XPR1: variants seen among roughly 807,000 people sequenced by gnomAD.
XPR1 encodes the protein xenotropic and polytropic retrovirus receptor 1.
Under a neutral mutation model 87.5 loss-of-function variants are expected in XPR1, and 28 were observed. The ratio of observed to expected loss-of-function variants is 0.32; its 90% CI spans 0.24 to 0.44. The LOEUF is 0.44. Among genes scored for constraint, XPR1 ranks in the 20% least tolerant of loss-of-function variants. The pLI, the probability that XPR1 is intolerant of heterozygous loss-of-function variation, is 1.00. For missense variants in XPR1, 559 were observed against 862.3 expected (o/e 0.65, Z 4.41); for synonymous variants, 300 against 306.1 (o/e 0.98, Z 0.21).
intron 2 of XPR1, among the ~76,000 whole-genome samples, chr1:180,754,361 TA>T (rs1647645642): frequency 6.6e-6 from 1 of 152,200 alleles, no homozygotes; most frequent in Admixed American, 6.5e-5. Context: ...AGTTTTTTTA[TA>T]AAGGATTAAA....
intron 2 of XPR1, among the ~76,000 whole-genome samples, chr1:180,765,040 C>T (rs1438370683): frequency 6.6e-6 from 1 of 152,154 alleles, no homozygotes; most frequent in Non-Finnish European, 1.5e-5. Context: ...CCGCCTTGGC[C>T]TCCCAAAGTG....
chr1:180,819,179 CTT>C (rs143074637), intron 7 of XPR1, among the ~76,000 whole-genome samples: 8,129 of 152,220 alleles, frequency 0.053, 307 homozygotes, highest in Non-Finnish European at 0.079. Flanking sequence ...GTCTTGAACT[CTT>C]TGCCTCCAGT....
chr1:180,661,893 C>A (rs12097831), intron 1 of XPR1, among the ~76,000 whole-genome samples: 6,511 of 151,874 alleles, frequency 0.043, 489 homozygotes, highest in African/African-American at 0.15. Context: ...AACAAAACAA[C>A]AAAAAAACCC....
At chr1:180,872,591 C>T (rs868250798) in intron 12 of XPR1, among the ~76,000 whole-genome samples, 3 of 110,124 alleles carry the variant, frequency 2.7e-5, no homozygotes, top group Non-Finnish European at 3.7e-5. Context: ...CAGGTGCGTC[C>T]GTCACCCCTT....
chr1:180,796,133 T>C (rs989711205), intron 3 of XPR1, among the ~76,000 whole-genome samples: 2 of 152,128 alleles, frequency 1.3e-5, no homozygotes, highest in African/African-American at 4.8e-5. Flanking sequence ...TAAGTGTATT[T>C]GTAGATTTTC....
intron 4 of XPR1, 150 bp downstream of exon 4, chr1:180,803,761 A>G (rs1362856300): frequency 1.5e-6 from 1 of 662,126 alleles, no homozygotes; most frequent in South Asian, 2.1e-5. Context: ...CTGGCTAAAA[A>G]CCATGTGTCA....
chr1:180,655,683 TTTGTC>T, intron 1 of XPR1, among the ~76,000 whole-genome samples: 1 of 152,142 alleles, frequency 6.6e-6, no homozygotes, highest in Non-Finnish European at 1.5e-5. Flanking sequence ...TTGTGAAACT[TTTGTC>T]CTGTGCTTTC....
chr1:180,682,541 A>G (rs961171634), intron 2 of XPR1, 130 bp downstream of exon 2: 8 of 373,122 alleles, frequency 2.1e-5, no homozygotes, highest in African/African-American at 1.5e-4. Context: ...CCTTTTAATA[A>G]TATATATTAT....
At chr1:180,820,168 C>G (rs760377201) in intron 7 of XPR1, among the ~76,000 whole-genome samples, 1 of 151,824 alleles carries the variant, frequency 6.6e-6, no homozygotes, top group Non-Finnish European at 1.5e-5. Flanking sequence ...AAATAAATTT[C>G]ATTTTAAAGT....
intron 2 of XPR1, among the ~76,000 whole-genome samples, chr1:180,784,840 G>C (rs1429924230): frequency 6.6e-6 from 1 of 151,792 alleles, no homozygotes; most frequent in Non-Finnish European, 1.5e-5. Context: ...TCTTTTTGCT[G>C]TGTTTTTCTC....
At chr1:180,706,580 G>T (rs1052402986) in intron 2 of XPR1, among the ~76,000 whole-genome samples, 1 of 151,434 alleles carries the variant, frequency 6.6e-6, no homozygotes, top group Admixed American at 6.6e-5. Context: ...ATTCACTGTT[G>T]TACAACATCT....
At chr1:180,637,676 C>G (rs1258233250) in intron 1 of XPR1, among the ~76,000 whole-genome samples, 1 of 152,184 alleles carries the variant, frequency 6.6e-6, no homozygotes, top group Non-Finnish European at 1.5e-5. Flanking sequence ...GCCTCAGCTT[C>G]CCAAGTAGCT....
chr1:180,809,146 A>G (rs1360790283), intron 6 of XPR1, among the ~76,000 whole-genome samples: 3 of 152,184 alleles, frequency 2.0e-5, no homozygotes, highest in African/African-American at 7.2e-5. Context: ...GTGGAGAGAA[A>G]GCAGAAAAAA....
chr1:180,703,438 A>T (rs577556775), intron 2 of XPR1, among the ~76,000 whole-genome samples: 1 of 152,264 alleles, frequency 6.6e-6, no homozygotes, highest in East Asian at 1.9e-4. Context: ...GGTATTTCCC[A>T]GTTCCTAGGC....
At chr1:180,729,676 A>G (rs1027235460) in intron 2 of XPR1, among the ~76,000 whole-genome samples, 1 of 152,002 alleles carries the variant, frequency 6.6e-6, no homozygotes, top group African/African-American at 2.4e-5. Context: ...TTTTTCATAT[A>G]CTTGTTGGCC....
At position 180,782,083 on chromosome 1, in the gene XPR1, T is replaced by G. The variant is rs529245813; in HGVS notation, c.122-5670T>G. On this transcript the variant is annotated intron_variant, in intron 2 of 14. Coordinates refer to ENST00000367590, the MANE Select transcript of XPR1 (RefSeq NM_004736.4). ...TATAACTCACTGATTTAATATTTAT[T>G]TAACTCAGAGCAAAGGAATCTCTAA... Among the ~76,000 whole-genome samples the G allele has an allele frequency of 5.3e-4, 81 of 152,188 alleles. 2 individuals are homozygous for G. In the South Asian group the frequency reaches 0.015, roughly 29 times the overall value.
chr1:180,703,731 A>AG (rs1247486710), intron 2 of XPR1, among the ~76,000 whole-genome samples: 3 of 152,226 alleles, frequency 2.0e-5, no homozygotes, highest in Admixed American at 2.0e-4. Flanking sequence ...GTGATTGATT[A>AG]GTAGGTCTCT....
chr1:180,853,198 G>T (rs1018483650), intron 11 of XPR1, among the ~76,000 whole-genome samples: 1 of 152,170 alleles, frequency 6.6e-6, no homozygotes, highest in Non-Finnish European at 1.5e-5. Context: ...AAATTACTGG[G>T]ATTATAGGCA....
intron 1 of XPR1, among the ~76,000 whole-genome samples, chr1:180,649,873 G>C (rs749437971): frequency 3.9e-5 from 6 of 151,934 alleles, no homozygotes; most frequent in Non-Finnish European, 5.9e-5. Context: ...CTACTTCTTC[G>C]GCCAGTCCTC....
Sources: gnomAD v4.1 joint callset for allele counts (sites outside exome capture counted in the v4.1 genomes callset) on GRCh38, gnomAD v4.1.1 for gene constraint, MANE v1.5 for transcripts, NCBI Gene and HGNC (gene_info 2026-07-23, HGNC 2026-07-21) for gene names.